MRPS28: variants seen among roughly 807,000 people sequenced by gnomAD.
MRPS28 encodes the protein small ribosomal subunit protein bS1m.
MRPS28 carries 7 observed loss-of-function variants against 10.8 expected under a neutral mutation model. The ratio of observed to expected loss-of-function variants is 0.65; its 90% CI spans 0.37 to 1.22. The LOEUF is 1.22. Among genes scored for constraint, MRPS28 ranks in the 50% most tolerant of loss-of-function variants. The probability of loss-of-function intolerance (pLI) is 0.02; values close to 1 mark genes in which losing one functional copy is unlikely to be tolerated. For missense variants in MRPS28, 265 were observed against 232.9 expected (o/e 1.14, Z -0.90); for synonymous variants, 121 against 93.3 (o/e 1.30, Z -1.71).
At chr8:79,944,418 C>T (rs1659181433) in intron 2 of MRPS28, among the ~76,000 whole-genome samples, 1 of 152,160 alleles carries the variant, frequency 6.6e-6, no homozygotes, top group African/African-American at 2.4e-5. Context: ...ACTACCTGTG[C>T]CTGCTTATTA....
At chr8:80,022,106 T>C (rs1034717771) in intron 1 of MRPS28, among the ~76,000 whole-genome samples, 39 of 152,322 alleles carry the variant, frequency 2.6e-4, no homozygotes, top group African/African-American at 9.4e-4. Context: ...CCTCCCTCCT[T>C]CCTAACTCCT....
chr8:79,943,044 C>T (rs182744943), intron 2 of MRPS28, among the ~76,000 whole-genome samples: 29 of 152,308 alleles, frequency 1.9e-4, no homozygotes, highest in African/African-American at 6.7e-4. Context: ...AGACCACCCC[C>T]CAACATTGCC....
intron 2 of MRPS28, among the ~76,000 whole-genome samples, chr8:79,927,035 T>A (rs1715185336): frequency 6.6e-6 from 1 of 152,220 alleles, no homozygotes; most frequent in African/African-American, 2.4e-5. Flanking sequence ...TCTTGCTTAC[T>A]TCAAGCCTTA....
chr8:80,030,236 A>C lies in MRPS28; in HGVS notation c.13T>G (p.Cys5Gly), dbSNP rs756512452. 1.2e-6 allele frequency: 2 copies of C among 1,614,000 alleles called. No individual in the cohort carries two copies. Among genetic ancestry groups the C allele is most frequent in the Admixed American group, 1.7e-5 (1 of 60,026 alleles). The change falls in exon 1 of 3, where the codon TGT becomes GGT. Residue 5 changes from cysteine to glycine, a missense_variant. Coordinates refer to ENST00000276585, the MANE Select transcript of MRPS28 (RefSeq NM_014018.3). MAAL[C>G]RTRAVAAESH... ...TCGGCAGCCACAGCACGGGTCCGACACAGCGCCGCCATGACTTCTTTACCT... is the reference window on the plus strand; with the variant it reads ...TCGGCAGCCACAGCACGGGTCCGACCCAGCGCCGCCATGACTTCTTTACCT...
chr8:79,929,642 C>T (rs182019731), intron 2 of MRPS28, among the ~76,000 whole-genome samples: 16 of 151,204 alleles, frequency 1.1e-4, no homozygotes, highest in South Asian at 4.2e-4. Context: ...ATAAGACAAA[C>T]GGGTAGAAGC....
At chr8:79,982,825 C>A (rs918054675) in intron 2 of MRPS28, among the ~76,000 whole-genome samples, 2 of 152,182 alleles carry the variant, frequency 1.3e-5, no homozygotes, top group African/African-American at 4.8e-5. Flanking sequence ...TAGGCTCCAC[C>A]TCTGGGGGCA....
intron 2 of MRPS28, among the ~76,000 whole-genome samples, chr8:79,955,806 C>A: frequency 6.6e-6 from 1 of 152,152 alleles, no homozygotes; most frequent in South Asian, 2.1e-4. Flanking sequence ...AACATTTGTT[C>A]TATGTGTAAA....
chr8:79,987,993 T>C (rs1048561735), intron 2 of MRPS28, among the ~76,000 whole-genome samples: 1 of 152,110 alleles, frequency 6.6e-6, no homozygotes, highest in Non-Finnish European at 1.5e-5. Context: ...TGCGGCTCTA[T>C]TCACAATAGC....
chr8:79,972,824 T>C (rs1402282748), intron 2 of MRPS28, among the ~76,000 whole-genome samples: 1 of 152,202 alleles, frequency 6.6e-6, no homozygotes, highest in Non-Finnish European at 1.5e-5. Flanking sequence ...ATTTCCTTAA[T>C]TGCTGAAATC....
chr8:79,986,597 G>C (rs988631605), intron 2 of MRPS28, among the ~76,000 whole-genome samples: 1 of 152,098 alleles, frequency 6.6e-6, no homozygotes, highest in African/African-American at 2.4e-5. Context: ...CAAAATCAAT[G>C]TGCAAAAATC....
At chr8:79,967,728 T>C (rs1807537420) in intron 2 of MRPS28, among the ~76,000 whole-genome samples, 1 of 152,006 alleles carries the variant, frequency 6.6e-6, no homozygotes, top group South Asian at 2.1e-4. Context: ...TATTTGGCAC[T>C]GGACAAAGGT....
rs542269824 is a variant in MRPS28 at position 79,968,439 on chromosome 8, A to T, written c.395+34560T>A. 8.5e-4 allele frequency among the ~76,000 whole-genome samples: 130 copies of T among 152,170 alleles called. No individual in the cohort carries two copies. In the Middle Eastern group the frequency reaches 0.014, roughly 16 times the overall value. On this transcript the variant is annotated intron_variant, in intron 2 of 2. Coordinates refer to ENST00000276585, the MANE Select transcript of MRPS28 (RefSeq NM_014018.3). ...AATTTGTCTTTTTAACAAACTTCCC[A>T]TTTGATTCTAGTAACCTGTCCAGCA... is the stretch of plus-strand genomic sequence containing the variant.
chr8:79,943,564 T>C (rs1374896721), intron 2 of MRPS28, among the ~76,000 whole-genome samples: 2 of 152,218 alleles, frequency 1.3e-5, no homozygotes, highest in African/African-American at 2.4e-5. Flanking sequence ...AGCACTGTTA[T>C]AATGTTTTCA....
intron 2 of MRPS28, among the ~76,000 whole-genome samples, chr8:79,920,801 C>T (rs1200086098): frequency 6.6e-6 from 1 of 152,130 alleles, no homozygotes; most frequent in Non-Finnish European, 1.5e-5. Flanking sequence ...AATTAGATCC[C>T]ATTTGTCAAT....
chr8:79,988,933 A>G (rs1454188583), intron 2 of MRPS28, among the ~76,000 whole-genome samples: 3 of 152,354 alleles, frequency 2.0e-5, no homozygotes, highest in Admixed American at 6.5e-5. Context: ...TCCTAGAAGA[A>G]TATAGAAAAA....
intron 2 of MRPS28, among the ~76,000 whole-genome samples, chr8:79,920,125 G>T (rs988974097): frequency 3.3e-5 from 5 of 151,970 alleles, no homozygotes; most frequent in African/African-American, 7.2e-5. Flanking sequence ...TGAACTCATC[G>T]TTTTTTATGG....
At chr8:79,919,941 T>TCC (rs1554567158) in intron 2 of MRPS28, among the ~76,000 whole-genome samples, 2 of 89,420 alleles carry the variant, frequency 2.2e-5, no homozygotes, top group East Asian at 7.9e-4. Context: ...ATGCTATCCC[T>TCC]CCCCCCACCC....
chr8:79,981,108 T>G (rs1172882094), intron 2 of MRPS28, among the ~76,000 whole-genome samples: 3 of 152,160 alleles, frequency 2.0e-5, no homozygotes, highest in Non-Finnish European at 2.9e-5. Flanking sequence ...GCTGGCAGAT[T>G]GCTTGAGTTC....
At chr8:79,965,204 T>C (rs1807474055) in intron 2 of MRPS28, among the ~76,000 whole-genome samples, 1 of 152,164 alleles carries the variant, frequency 6.6e-6, no homozygotes, top group Non-Finnish European at 1.5e-5. Context: ...GGGCCAGATA[T>C]TCTTCTAAGT....
Sources: gnomAD v4.1 joint callset for allele counts (sites outside exome capture counted in the v4.1 genomes callset) on GRCh38, gnomAD v4.1.1 for gene constraint, MANE v1.5 for transcripts, NCBI Gene and HGNC (gene_info 2026-07-23, HGNC 2026-07-21) for gene names.